MYO16: variants seen among roughly 807,000 people sequenced by gnomAD.
MYO16 encodes myosin XVI.
Under a neutral mutation model 205.3 loss-of-function variants are expected in MYO16, and 94 were observed. That is an observed-to-expected ratio of 0.46 (90% CI 0.39 to 0.54). The LOEUF (loss-of-function observed/expected upper bound fraction) is 0.54. Ranked by LOEUF, MYO16 falls within the 20% of genes least tolerant of loss-of-function variation. MYO16 has a pLI of 0.00. For missense variants in MYO16, 2,315 were observed against 2,387.5 expected, an observed-to-expected ratio of 0.97 and a Z score of 0.63; for synonymous variants, 988 against 954.0, an observed-to-expected ratio of 1.04 and a Z score of -0.66.
At chr13:108,937,945 T>C (rs529018597) in intron 16 of MYO16, among the ~76,000 whole-genome samples, 85 of 152,356 alleles carry the variant, frequency 5.6e-4, no homozygotes, top group African/African-American at 1.9e-3. Context: ...GTGGTGTCAC[T>C]ACATTCAGAT....
intron 27 of MYO16, among the ~76,000 whole-genome samples, chr13:109,100,570 T>C (rs1450309489): frequency 6.6e-6 from 1 of 152,216 alleles, no homozygotes; most frequent in African/African-American, 2.4e-5. Flanking sequence ...CTGAAAAATA[T>C]ATTTGACGCG....
chr13:109,044,871 G>A (rs1480318285), intron 23 of MYO16, among the ~76,000 whole-genome samples: 3 of 152,056 alleles, frequency 2.0e-5, no homozygotes, highest in Non-Finnish European at 4.4e-5. Context: ...TGTATTTTTA[G>A]TAGAGATGGG....
chr13:108,904,623 A>G (rs906783920), intron 15 of MYO16, among the ~76,000 whole-genome samples: 1 of 152,222 alleles, frequency 6.6e-6, no homozygotes, highest in Non-Finnish European at 1.5e-5. Flanking sequence ...CATAACATGC[A>G]ATAAAGTATT....
chr13:108,679,312 C>G (rs1882360509), intron 2 of MYO16, among the ~76,000 whole-genome samples: 1 of 152,156 alleles, frequency 6.6e-6, no homozygotes, highest in Non-Finnish European at 1.5e-5. Context: ...CCGCTTCCTT[C>G]TTTTTCATTG....
intron 28 of MYO16, among the ~76,000 whole-genome samples, chr13:109,114,094 A>G (rs1206083869): frequency 1.3e-5 from 2 of 152,214 alleles, no homozygotes; most frequent in Non-Finnish European, 2.9e-5. Context: ...GAGCAGCAAC[A>G]TAGCAGCTTT....
rs1883241154 is a variant in MYO16 at position 108,700,111 on chromosome 13, T to TC, written c.293-12549dup. On this transcript the variant is annotated intron_variant, in intron 2 of 34. Coordinates refer to ENST00000457511, the MANE Select transcript of MYO16 (RefSeq NM_001198950.3). ...ACTTTGGGAGGCTGAGGTGGGTGGA[T>TC]CACTTGAGGCCAGGAGTTTGAGACC... 2.0e-5 allele frequency among the ~76,000 whole-genome samples: 3 copies of TC among 152,120 alleles called. 1 individual carries two copies. The highest frequency in any genetic ancestry group is 7.2e-5 in the African/African-American group (3 of 41,510).
At chr13:109,190,642 A>T (rs543003115) in intron 34 of MYO16, among the ~76,000 whole-genome samples, 1 of 152,318 alleles carries the variant, frequency 6.6e-6, no homozygotes, top group South Asian at 2.1e-4. Context: ...TGTATCAATA[A>T]ACTTGTTAAT....
At chr13:109,011,184 G>T (rs537938979) in intron 22 of MYO16, among the ~76,000 whole-genome samples, 1 of 152,042 alleles carries the variant, frequency 6.6e-6, no homozygotes, top group Non-Finnish European at 1.5e-5. Flanking sequence ...GCTGAGGTGG[G>T]TTAGCTTGCT....
chr13:108,676,026 T>C (rs1433582794), intron 2 of MYO16, among the ~76,000 whole-genome samples: 1 of 152,214 alleles, frequency 6.6e-6, no homozygotes, highest in Non-Finnish European at 1.5e-5. Context: ...GCATAATAAA[T>C]GTTAGCTACT....
At chr13:108,819,470 T>C (rs546637777) in intron 7 of MYO16, among the ~76,000 whole-genome samples, 5 of 152,084 alleles carry the variant, frequency 3.3e-5, no homozygotes, top group Non-Finnish European at 5.9e-5. Context: ...AAGATATTAA[T>C]GGTTAGCCGA....
chr13:108,867,227 G>T (rs540335396), intron 12 of MYO16, among the ~76,000 whole-genome samples: 1 of 152,122 alleles, frequency 6.6e-6, no homozygotes, highest in South Asian at 2.1e-4. Flanking sequence ...TTAGCCAGCT[G>T]TGGTGGTGTG....
At chr13:108,796,029 G>A (rs1886778316) in intron 6 of MYO16, among the ~76,000 whole-genome samples, 1 of 152,200 alleles carries the variant, frequency 6.6e-6, no homozygotes, top group South Asian at 2.1e-4. Context: ...GGCGAGTGTG[G>A]TGTGCTTGGG....
At chr13:109,192,500 G>C (rs1198149247) in intron 34 of MYO16, among the ~76,000 whole-genome samples, 1 of 152,114 alleles carries the variant, frequency 6.6e-6, no homozygotes, top group East Asian at 1.9e-4. Flanking sequence ...GGCAGATGCT[G>C]TGCCTGCCAA....
At chr13:109,124,237 C>T (rs1184636386) in intron 29 of MYO16, among the ~76,000 whole-genome samples, 1 of 152,138 alleles carries the variant, frequency 6.6e-6, no homozygotes, top group Non-Finnish European at 1.5e-5. Flanking sequence ...TGCTGATCTG[C>T]CCCCTGGAGA....
At chr13:108,908,000 T>C (rs1881074971) in intron 15 of MYO16, among the ~76,000 whole-genome samples, 1 of 152,200 alleles carries the variant, frequency 6.6e-6, no homozygotes, top group Non-Finnish European at 1.5e-5. Context: ...AAGTAGTAAA[T>C]TAATTCAAGA....
chr13:109,132,157 G>A (rs921016088), intron 31 of MYO16, among the ~76,000 whole-genome samples: 15 of 152,334 alleles, frequency 9.8e-5, no homozygotes, highest in Middle Eastern at 3.4e-3. Flanking sequence ...CATGATGTCA[G>A]TGGTGCTGTG....
chr13:109,201,782 A>G (rs914876738), intron 34 of MYO16, among the ~76,000 whole-genome samples: 4 of 151,990 alleles, frequency 2.6e-5, no homozygotes, highest in Non-Finnish European at 4.4e-5. Context: ...CCCAAAGTCC[A>G]TTCTGTCATT....
chr13:108,503,606 G>A, the MYO16 span, among the ~76,000 whole-genome samples: 2 of 152,148 alleles, frequency 1.3e-5, no homozygotes, highest in Non-Finnish European at 2.9e-5. Flanking sequence ...GCCTTTGCAG[G>A]TGCTACTTGT....
At chr13:109,131,805 A>T (rs985628037) in intron 31 of MYO16, among the ~76,000 whole-genome samples, 1 of 152,092 alleles carries the variant, frequency 6.6e-6, no homozygotes, top group Admixed American at 6.6e-5. Flanking sequence ...CATTCCTCAC[A>T]CACCGGGTGC....
Sources: allele counts gnomAD v4.1 joint callset (sites outside exome capture counted in the v4.1 genomes callset), GRCh38; gene constraint gnomAD v4.1.1; transcripts MANE v1.5; gene names NCBI Gene and HGNC (gene_info 2026-07-23, HGNC 2026-07-21).